AFF2: variants seen among roughly 807,000 people sequenced by gnomAD.
AFF2 encodes AF4/FMR2 family member 2.
In AFF2, 14 loss-of-function variants were observed where a neutral mutation model predicts 76.9. The ratio of observed to expected loss-of-function variants is 0.18; its 90% CI spans 0.12 to 0.28. AFF2 has a LOEUF of 0.28. Among genes scored for constraint, AFF2 ranks in the 10% least tolerant of loss-of-function variants. AFF2 has a pLI of 1.00. For synonymous variants in AFF2, 398 were observed against 366.7 expected (o/e 1.09, Z -0.98); for missense variants, 868 against 1,001.1 (o/e 0.87, Z 1.79).
chrX:148,691,202 A>T (rs782197528), intron 3 of AFF2, among the ~76,000 whole-genome samples: 1 of 112,061 alleles, frequency 8.9e-6, no homozygotes, highest in East Asian at 2.8e-4. Context: ...GGGTGTGAAG[A>T]TTAAATGAAT....
intron 1 of AFF2, among the ~76,000 whole-genome samples, chrX:148,618,127 T>C (rs995002119): frequency 9.8e-5 from 11 of 111,854 alleles, no homozygotes; most frequent in African/African-American, 3.6e-4. Context: ...ATGTTATTTC[T>C]GTGACTAACT....
chrX:148,768,573 C>T (rs1283388992), intron 3 of AFF2, among the ~76,000 whole-genome samples: 1 of 111,469 alleles, frequency 9.0e-6, no homozygotes, highest in African/African-American at 3.3e-5. Flanking sequence ...CACCCATAAA[C>T]ACACATATTT....
intron 1 of AFF2, among the ~76,000 whole-genome samples, chrX:148,631,569 A>G (rs1432166257): frequency 7.1e-5 from 8 of 112,308 alleles, no homozygotes; most frequent in African/African-American, 2.6e-4. Context: ...CAAGAAGGAC[A>G]ACAGAGAAAT....
chrX:148,503,666 C>G (rs2052377211), intron 1 of AFF2, among the ~76,000 whole-genome samples: 1 of 112,227 alleles, frequency 8.9e-6, no homozygotes, highest in Non-Finnish European at 1.9e-5. Flanking sequence ...TTTGCAAACA[C>G]TTGACTGTAG....
At chrX:148,686,803 G>T (rs1298336340) in intron 3 of AFF2, among the ~76,000 whole-genome samples, 1 of 111,448 alleles carries the variant, frequency 9.0e-6, no homozygotes, top group Admixed American at 9.6e-5. Context: ...TTGGGTGCAT[G>T]CCTGTATTCT....
intron 8 of AFF2, among the ~76,000 whole-genome samples, chrX:148,893,372 T>G (rs782772883): frequency 9.8e-5 from 11 of 112,034 alleles, no homozygotes; most frequent in African/African-American, 3.6e-4. Flanking sequence ...TGCTGAATTT[T>G]TTTATTACAA....
chrX:148,980,213 A>G (rs782657799), intron 18 of AFF2, among the ~76,000 whole-genome samples: 1 of 112,238 alleles, frequency 8.9e-6, no homozygotes, highest in South Asian at 3.7e-4. Flanking sequence ...CACTTTGTTA[A>G]ATAGGGAAGC....
intron 8 of AFF2, among the ~76,000 whole-genome samples, chrX:148,894,690 G>A (rs2071261583): frequency 9.0e-6 from 1 of 111,076 alleles, no homozygotes; most frequent in Non-Finnish European, 1.9e-5. Flanking sequence ...TCATATATAT[G>A]TGTGTGTTTC....
In AFF2 at chrX:148,719,045, A is replaced by G; in HGVS notation, c.1041+56277A>G. 4.8e-6 allele frequency: 5 copies of G among 1,048,940 alleles called. No homozygotes were observed. The South Asian group carries it at 1.2e-4, about 24-fold the overall frequency. The allele number at this position is 1,048,940 out of a possible 1,213,427, so 86.4% of individuals were successfully genotyped here. A position where few individuals can be genotyped will look rare whatever the true frequency, so the allele number is the denominator to read the frequency against. On this transcript the variant is annotated intron_variant, in intron 3 of 20. Transcript: ENST00000370460. ...TTTATTGTGACCTAGAATAAAGAACATGGTGATTCCACAACAGTTTTGGGG... is the reference window on the plus strand; with the variant it reads ...TTTATTGTGACCTAGAATAAAGAACGTGGTGATTCCACAACAGTTTTGGGG...
Position 148,991,500 on chromosome X carries a change from A to AAGTTGTAGTGT in AFF2, c.*168_*169insAGTTGTAGTGT. 3 of 557,890 alleles carry AAGTTGTAGTGT rather than the reference A, an allele frequency of 5.4e-6. No homozygotes were observed. Among genetic ancestry groups the AAGTTGTAGTGT allele is most frequent in the Non-Finnish European group, 7.8e-6 (3 of 382,817 alleles). 46.0% of individuals were successfully genotyped at this position (557,890 alleles called of 1,213,427 possible). On this transcript the variant is annotated 3_prime_UTR_variant, in exon 21 of 21. Coordinates refer to ENST00000370460, the MANE Select transcript of AFF2 (RefSeq NM_002025.4). ...ACAGAAGTCATTGTAAGTTGACACT[A>AAGTTGTAGTGT]CAACTTAAGGGCAGTGTACGTTTTA...
intron 3 of AFF2, among the ~76,000 whole-genome samples, chrX:148,754,577 C>T (rs1351170272): frequency 9.0e-6 from 1 of 110,852 alleles, no homozygotes; most frequent in East Asian, 2.8e-4. Context: ...ACTAATGGAA[C>T]GAGTCACCTT....
chrX:148,904,746 T>C (rs1445978796), intron 9 of AFF2, among the ~76,000 whole-genome samples: 1 of 112,224 alleles, frequency 8.9e-6, no homozygotes, highest in East Asian at 2.8e-4. Flanking sequence ...CTAAAGGCTT[T>C]TCTTTTTTGT....
At chrX:148,916,136 T>G (rs7066226) in intron 9 of AFF2, among the ~76,000 whole-genome samples, 1,614 of 108,102 alleles carry the variant, frequency 0.015, 32 homozygotes, top group African/African-American at 0.052. Flanking sequence ...GGTCAAACCA[T>G]GTATGAGGTT....
intron 9 of AFF2, among the ~76,000 whole-genome samples, chrX:148,912,058 A>G (rs781812023): frequency 1.2e-4 from 14 of 112,769 alleles, no homozygotes; most frequent in African/African-American, 4.2e-4. Flanking sequence ...ATGCAGCCAT[A>G]AAAATGAATG....
chrX:148,925,860 G>A (rs1557283726), intron 9 of AFF2, among the ~76,000 whole-genome samples: 4 of 112,090 alleles, frequency 3.6e-5, no homozygotes, highest in Non-Finnish European at 7.5e-5. Context: ...TGGGTTCAAT[G>A]GCAAGAGTTC....
At chrX:148,784,922 CACAA>C (rs1434541207) in intron 3 of AFF2, among the ~76,000 whole-genome samples, 1 of 111,684 alleles carries the variant, frequency 9.0e-6, no homozygotes, top group Non-Finnish European at 1.9e-5. Context: ...AAGTGGGTGA[CACAA>C]ACAAAGCCAT....
At chrX:148,570,619 T>C (rs2053219198) in intron 1 of AFF2, among the ~76,000 whole-genome samples, 2 of 111,531 alleles carry the variant, frequency 1.8e-5, no homozygotes, top group South Asian at 7.5e-4. Context: ...TTTGTATTGG[T>C]TTCCTGGAGC....
At chrX:148,560,689 A>C (rs1292730261) in intron 1 of AFF2, among the ~76,000 whole-genome samples, 1 of 112,321 alleles carries the variant, frequency 8.9e-6, no homozygotes, top group Non-Finnish European at 1.9e-5. Flanking sequence ...ATTTGTATGG[A>C]AATATCTGAT....
At chrX:148,769,693 C>A (rs1276674874) in intron 3 of AFF2, among the ~76,000 whole-genome samples, 2 of 110,470 alleles carry the variant, frequency 1.8e-5, no homozygotes, top group African/African-American at 6.6e-5. Flanking sequence ...AGAGCCAGAG[C>A]CGCTGGAGTA....
Sources: allele counts gnomAD v4.1 joint callset (sites outside exome capture counted in the v4.1 genomes callset), GRCh38; gene constraint gnomAD v4.1.1; transcripts MANE v1.5; gene names NCBI Gene and HGNC (gene_info 2026-07-23, HGNC 2026-07-21).